Variants in DDX17 observed in about 807,000 individuals in gnomAD.
DDX17 encodes DEAD-box helicase 17, also known as probable ATP-dependent RNA helicase DDX17.
DDX17 carries 10 observed loss-of-function variants against 80.8 expected under a neutral mutation model. The ratio of observed to expected loss-of-function variants is 0.12; its 90% confidence interval spans 0.08 to 0.21. DDX17 has a LOEUF of 0.21. Among genes scored for constraint, DDX17 ranks in the 10% least tolerant of loss-of-function variants. The pLI is 1.00. For missense variants in DDX17, 586 were observed against 957.4 expected (o/e 0.61, Z 5.12); for synonymous variants, 339 against 336.2 (o/e 1.01, Z -0.09).
chr22:38,502,999 T>C (rs971079186), intron 1 of DDX17, among the ~76,000 whole-genome samples: 6 of 152,174 alleles, frequency 3.9e-5, no homozygotes, highest in South Asian at 2.1e-4. Context: ...GTAACAAAAA[T>C]TGATGGCAGG....
intron 1 of DDX17, 122 bp downstream of exon 1, chr22:38,505,829 G>GTCGCCTCCCC (rs2089876511): frequency 2.4e-6 from 3 of 1,275,832 alleles, no homozygotes; most frequent in Admixed American, 5.1e-5. Flanking sequence ...CTCGCCTCGA[G>GTCGCCTCCCC]TCGCCTCCCC....
chr22:38,506,014 T>C lies in DDX17; in HGVS notation c.224A>G (p.Tyr75Cys). The C allele has an allele frequency of 6.3e-6, 10 of 1,592,220 alleles. No individual in the cohort carries two copies. Among genetic ancestry groups the C allele is most frequent in the Non-Finnish European group, 8.5e-6 (10 of 1,170,118 alleles). Residue 75 changes from tyrosine (Y) to cysteine (C), a missense_variant, in exon 1 of 13, where the codon TAT becomes TGT. Tyr to Cys is a radical substitution (Grantham distance 194, BLOSUM62 -2). This residue lies in a region of DDX17 where 215 missense variants were observed against 238.4 expected (regional missense o/e 0.90). Transcript: ENST00000403230. Reference sequence around the variant, plus strand: ...TCCTCCGCGCATGGTCCCAAAAGGATAGAGATCTGGGAGCGGGGCACGGAT... The same window carrying C: ...TCCTCCGCGCATGGTCCCAAAAGGACAGAGATCTGGGAGCGGGGCACGGAT...
At position 38,497,665 on chromosome 22, in the gene DDX17, G is replaced by A. The variant is rs1382514592; in HGVS notation, c.738+420C>T. The stretch of plus-strand genomic sequence containing the variant: ...AAGAAGGCTGGACGCAGTGGCTCAT[G>A]CCTGTAATCCCAGCAATTTGGGAGG... On this transcript the variant is annotated intron_variant, in intron 5 of 12. Coordinates refer to ENST00000403230, the MANE Select transcript of DDX17 (RefSeq NM_006386.5). 3.4e-5 allele frequency among the ~76,000 whole-genome samples: 5 copies of A among 148,872 alleles called. No homozygotes were observed. The Admixed American group carries it at 3.4e-4, about 10-fold the overall frequency.
At chr22:38,501,712 G>A (rs565316326) in intron 1 of DDX17, among the ~76,000 whole-genome samples, 2 of 152,318 alleles carry the variant, frequency 1.3e-5, no homozygotes, top group East Asian at 1.9e-4. Flanking sequence ...AATGTGTAAT[G>A]TACTATAAAA....
Position 38,499,275 on chromosome 22 carries a change from C to T in DDX17, c.538+125G>A, listed in dbSNP as rs1424605412. On this transcript the variant is annotated intron_variant, in intron 3 of 12. Coordinates refer to ENST00000403230, the MANE Select transcript of DDX17 (RefSeq NM_006386.5). ...TAAATACTAGAACAGAACTGATGAC[C>T]ATAAAAACAATCTCTTGTCCTTTCA... is the stretch of plus-strand genomic sequence containing the variant. 7.0e-6 allele frequency: 5 copies of T among 713,700 alleles called. No individual in the cohort carries two copies. The Admixed American group carries it at 1.0e-4, about 14-fold the overall frequency. The allele number at this position is 713,700 out of a possible 1,614,324, so 44.2% of individuals were successfully genotyped here. A position where few individuals can be genotyped will look rare whatever the true frequency, so the allele number is the denominator to read the frequency against.
chr22:38,494,277 G>T, intron 8 of DDX17, 146 bp from the exon 9 acceptor site: 1 of 628,518 alleles, frequency 1.6e-6, no homozygotes. Flanking sequence ...TACTGAGTCA[G>T]GTTCTGCTAT....
chr22:38,493,814 G>A lies in DDX17; in HGVS notation c.1326-43C>T, dbSNP rs777144447. 7.6e-6 allele frequency: 12 copies of A among 1,587,324 alleles called. No homozygotes were observed. The South Asian group carries it at 1.2e-4, about 16-fold the overall frequency. ...ACCAATATTTTAAAAATCTTTTAAA[G>A]TGGAGAAAATCGAACTTTAAAGCCA... On this transcript the variant is annotated intron_variant, in intron 9 of 12. Transcript: ENST00000403230.
chr22:38,495,884 G>A lies in DDX17; in HGVS notation c.792C>T (p.Ala264=), dbSNP rs144459889. ...ATCTAGAACATTTGCCATAGTCATC[G>A]GCCACCTGCTGTACTTGCTGGGCAA... The change falls in exon 6 of 13, where the codon GCC becomes GCT. Residue 264 remains alanine, a synonymous_variant. Transcript: ENST00000403230. The A allele has an allele frequency of 2.2e-5, 36 of 1,610,790 alleles. No homozygotes were observed. Among genetic ancestry groups the A allele is most frequent in the Admixed American group, 8.4e-5 (5 of 59,696 alleles).
chr22:38,492,209 G>T, intron 10 of DDX17, 94 bp from the exon 11 acceptor site: 1 of 1,032,272 alleles, frequency 9.7e-7, no homozygotes, highest in African/African-American at 1.6e-5. Context: ...AATGGTGCCA[G>T]AAAATCCCAA....
intron 1 of DDX17, among the ~76,000 whole-genome samples, chr22:38,502,257 C>T (rs2089838138): frequency 6.6e-6 from 1 of 152,010 alleles, no homozygotes. Context: ...ACTAAAAACA[C>T]AAAAGAGTAG....
Position 38,502,751 on chromosome 22 carries a change from CTTTG to C in DDX17, c.288-1475_288-1472del, listed in dbSNP as rs886276826. Among the ~76,000 whole-genome samples the C allele has an allele frequency of 1.4e-4, 22 of 152,262 alleles. No individual in the cohort carries two copies. The East Asian group carries it at 1.5e-3, about 11-fold the overall frequency. ...TATTTCGATCTTGTAAAGTACAGGTCTTTGTTTGGCATACAAACTGTATAGCATT... is the reference window on the plus strand; with the variant it reads ...TATTTCGATCTTGTAAAGTACAGGTCTTTGGCATACAAACTGTATAGCATT... On this transcript the variant is annotated intron_variant, in intron 1 of 12. Coordinates refer to ENST00000403230, the MANE Select transcript of DDX17 (RefSeq NM_006386.5).
chr22:38,500,303 ATATT>A, intron 2 of DDX17, among the ~76,000 whole-genome samples: 1 of 152,208 alleles, frequency 6.6e-6, no homozygotes. Context: ...AATTAAATGC[ATATT>A]TAAACTGGTC....
In DDX17 at chr22:38,486,133, G is replaced by C; in HGVS notation, c.1992C>G (p.Ser664Arg). ...GTGAACTTCTCCCAGTTGAGGTGGT[G>C]CTACTAGCTCCATAAGTGCCAGCAC... The change falls in exon 13 of 13, where the codon AGC becomes AGG. Residue 664 changes from serine (S) to arginine (R), a missense_variant. Around this residue, in one of 4 missense-constraint regions of DDX17, gnomAD observed 221 missense variants for 261.4 expected, o/e 0.85. Coordinates refer to ENST00000403230, the MANE Select transcript of DDX17 (RefSeq NM_006386.5). 4 of 1,614,192 alleles carry C rather than the reference G, an allele frequency of 2.5e-6. No individual in the cohort carries two copies. The highest frequency in any genetic ancestry group is 3.4e-6 in the Non-Finnish European group (4 of 1,180,040).
chr22:38,498,658 A>G, intron 3 of DDX17, 85 bp from the exon 4 acceptor site: 1 of 1,444,584 alleles, frequency 6.9e-7, no homozygotes, highest in Non-Finnish European at 9.5e-7. Context: ...AGCTCACTGA[A>G]GATAAGATTT....
intron 2 of DDX17, 103 bp from the exon 3 acceptor site, chr22:38,499,602 G>A: frequency 1.1e-6 from 1 of 876,036 alleles, no homozygotes; most frequent in Non-Finnish European, 1.9e-6. Flanking sequence ...AGCTATGTTG[G>A]CAAATATTTA....
Position 38,489,951 on chromosome 22 carries a change from A to G in DDX17, c.1448-1836T>C, listed in dbSNP as rs2089696907. 2 of 1,005,546 alleles carry G rather than the reference A, an allele frequency of 2.0e-6. No homozygotes were observed. The allele number at this position is 1,005,546 out of a possible 1,614,324, so 62.3% of individuals were successfully genotyped here. A position where few individuals can be genotyped will look rare whatever the true frequency, so the allele number is the denominator to read the frequency against. On this transcript the variant is annotated intron_variant, in intron 11 of 12. Coordinates refer to ENST00000403230, the MANE Select transcript of DDX17 (RefSeq NM_006386.5). This position sits in a 1 kb window ranked among gnomAD's most constrained non-coding sequence, Gnocchi z 4.6. ...GCAGTAGAACAAGTTCAATTACTAC[A>G]CTGGATGCGTTAAGTGTGCTTTCCT...
At chr22:38,505,802 G>A (rs1434232378) in intron 1 of DDX17, 149 bp downstream of exon 1, 12 of 1,035,312 alleles carry the variant, frequency 1.2e-5, no homozygotes, top group South Asian at 1.6e-5. Context: ...GCCGAGGTCC[G>A]CGCACGAAAC....
chr22:38,501,040 A>T (rs949554796), intron 2 of DDX17, 90 bp downstream of exon 2: 26 of 1,468,624 alleles, frequency 1.8e-5, no homozygotes, highest in Non-Finnish European at 2.3e-5. Context: ...AATAAAATGT[A>T]AAACGGCAAC....
In DDX17 at chr22:38,489,064, T is replaced by C. The variant is rs2089689374; in HGVS notation, c.1448-949A>G. On this transcript the variant is annotated intron_variant, in intron 11 of 12. Coordinates refer to ENST00000403230, the MANE Select transcript of DDX17 (RefSeq NM_006386.5). This position sits in a 1 kb window ranked among gnomAD's most constrained non-coding sequence, Gnocchi z 4.6. ...TGTAATGCTTTCAGCTGAATGTATATTTTTACCTACTTAAACAAACAATTT... is the reference window on the plus strand; with the variant it reads ...TGTAATGCTTTCAGCTGAATGTATACTTTTACCTACTTAAACAAACAATTT... The C allele has an allele frequency of 1.0e-6, 1 of 984,294 alleles. No homozygotes were observed. 61.0% of individuals were successfully genotyped at this position (984,294 alleles called of 1,614,324 possible).
Sources: allele counts gnomAD v4.1 joint callset (sites outside exome capture counted in the v4.1 genomes callset), GRCh38; gene constraint gnomAD v4.1.1; regional missense constraint gnomAD v4.1.1; non-coding constraint Gnocchi (gnomAD v3.1); transcripts MANE v1.5; gene names NCBI Gene and HGNC (gene_info 2026-07-23, HGNC 2026-07-21).